The following ERC2 variants were observed in gnomAD, a reference collection of about 807,000 sequenced individuals.
ERC2 encodes the protein ERC protein 2.
In ERC2, 42 loss-of-function variants were observed where a neutral mutation model predicts 114.8. The ratio of observed to expected loss-of-function variants is 0.37; its 90% CI spans 0.29 to 0.47. The LOEUF (loss-of-function observed/expected upper bound fraction) is 0.47. ERC2 is among the 20% of genes least tolerant of loss of function. ERC2 has a pLI of 0.99. For synonymous variants in ERC2, 454 were observed against 425.5 expected (o/e 1.07, Z -0.82); for missense variants, 939 against 1,150.7 (o/e 0.82, Z 2.66).
chr3:56,302,289 C>A (rs1237380345), intron 2 of ERC2, among the ~76,000 whole-genome samples: 4 of 152,160 alleles, frequency 2.6e-5, no homozygotes, highest in Admixed American at 6.5e-5. Flanking sequence ...ACTTTGACAA[C>A]TGTACACTTT....
At chr3:56,028,841 T>C (rs1261594031) in intron 7 of ERC2, among the ~76,000 whole-genome samples, 1 of 152,094 alleles carries the variant, frequency 6.6e-6, no homozygotes, top group Non-Finnish European at 1.5e-5. Context: ...AGTACTATGC[T>C]GTATACCAAT....
intron 17 of ERC2, among the ~76,000 whole-genome samples, chr3:55,623,756 G>A (rs756278641): frequency 2.0e-5 from 3 of 152,178 alleles, no homozygotes; most frequent in Non-Finnish European, 2.9e-5. Flanking sequence ...ATAGAGGAAC[G>A]ACACAGCAGT....
At chr3:55,885,169 G>A (rs568366024) in intron 14 of ERC2, among the ~76,000 whole-genome samples, 52 of 152,302 alleles carry the variant, frequency 3.4e-4, no homozygotes, top group Admixed American at 4.6e-4. Context: ...ATGGGTGCTG[G>A]TTGAATGAAA....
intron 14 of ERC2, among the ~76,000 whole-genome samples, chr3:55,741,048 A>C (rs904441205): frequency 6.6e-6 from 1 of 152,176 alleles, no homozygotes; most frequent in Non-Finnish European, 1.5e-5. Context: ...TCAACCTGTA[A>C]TTTAAATCAC....
chr3:55,787,967 T>C (rs1000007197), intron 14 of ERC2, among the ~76,000 whole-genome samples: 3 of 152,214 alleles, frequency 2.0e-5, no homozygotes, highest in Non-Finnish European at 4.4e-5. Flanking sequence ...CATAGTATTA[T>C]TGACTAAGTA....
chr3:55,881,031 C>T lies in ERC2; in HGVS notation c.2564+7358G>A, dbSNP rs867824004. 7.9e-5 allele frequency among the ~76,000 whole-genome samples: 12 copies of T among 152,264 alleles called. No individual in the cohort carries two copies. The South Asian group carries it at 2.3e-3, about 29-fold the overall frequency. ...TTTATCAATTTTAAGTAACAATTGG[C>T]TTCAAAACTCTTCTCCCAAACTCCA... On this transcript the variant is annotated intron_variant, in intron 14 of 17. Transcript: ENST00000288221.
chr3:56,099,980 C>G (rs560139133), intron 6 of ERC2, among the ~76,000 whole-genome samples: 1 of 152,072 alleles, frequency 6.6e-6, no homozygotes, highest in South Asian at 2.1e-4. Context: ...TACGAGCACT[C>G]TTATTGGGGA....
chr3:56,178,906 T>C (rs2083130162), intron 3 of ERC2, among the ~76,000 whole-genome samples: 1 of 152,046 alleles, frequency 6.6e-6, no homozygotes, highest in African/African-American at 2.4e-5. Flanking sequence ...TCCAATAGGA[T>C]AGTCAGAGAA....
At chr3:56,093,395 G>A (rs2077895367) in intron 6 of ERC2, among the ~76,000 whole-genome samples, 1 of 152,080 alleles carries the variant, frequency 6.6e-6, no homozygotes, top group African/African-American at 2.4e-5. Flanking sequence ...AGAACTTCTT[G>A]TTTCTATGAT....
chr3:56,128,599 G>A (rs2080026337), intron 6 of ERC2, among the ~76,000 whole-genome samples: 1 of 152,154 alleles, frequency 6.6e-6, no homozygotes, highest in Non-Finnish European at 1.5e-5. Context: ...TTTTGAATTT[G>A]GATGAGAATG....
At chr3:55,703,096 C>A (rs141061923) in intron 15 of ERC2, among the ~76,000 whole-genome samples, 1 of 152,304 alleles carries the variant, frequency 6.6e-6, no homozygotes, top group African/African-American at 2.4e-5. Flanking sequence ...CACCTTATTT[C>A]TCTGGGGCCA....
rs1214092036 is a variant in ERC2, at chr3:55,579,492, A to G, written c.*40-68216T>C. ...TCCACATAATAACAGGTCATGTTAT[A>G]ATGAGGTTTTGCTGCACATGCTTGC... is the stretch of plus-strand genomic sequence containing the variant. On this transcript the variant is annotated intron_variant, in intron 17 of 17. Transcript: ENST00000288221. Among the ~76,000 whole-genome samples the G allele has an allele frequency of 2.0e-5, 3 of 152,212 alleles. 1 individual carries two copies. The highest frequency in any genetic ancestry group is 7.2e-5 in the African/African-American group (3 of 41,448).
intron 2 of ERC2, among the ~76,000 whole-genome samples, chr3:56,361,084 C>A (rs796321229): frequency 6.6e-6 from 1 of 152,044 alleles, no homozygotes; most frequent in African/African-American, 2.4e-5. Flanking sequence ...GAACTAGAAC[C>A]GGGCTGAAGA....
At chr3:55,857,062 G>C (rs1207822234) in intron 14 of ERC2, among the ~76,000 whole-genome samples, 2 of 151,954 alleles carry the variant, frequency 1.3e-5, no homozygotes, top group African/African-American at 4.8e-5. Flanking sequence ...TTTTTTTGGG[G>C]GTGGGGGTGG....
At chr3:56,265,338 G>A (rs529487890) in intron 3 of ERC2, among the ~76,000 whole-genome samples, 1 of 152,164 alleles carries the variant, frequency 6.6e-6, no homozygotes, top group South Asian at 2.1e-4. Flanking sequence ...AGGGCACCAA[G>A]AAGACACAAT....
In ERC2 at chr3:56,228,082, G is replaced by A. The variant is rs546808864; in HGVS notation, c.1075-54562C>T. Among the ~76,000 whole-genome samples, 23 of 152,252 alleles carry A rather than the reference G, an allele frequency of 1.5e-4. No homozygotes were observed. The South Asian group carries it at 3.7e-3, about 25-fold the overall frequency. On this transcript the variant is annotated intron_variant, in intron 3 of 17. Coordinates refer to ENST00000288221, the MANE Select transcript of ERC2 (RefSeq NM_015576.3). ...GGGCTGGCAGAAGAGTGATTACCTC[G>A]AGGAGACAATACTGATGGGGAGGGG...
chr3:55,742,404 A>G (rs2066022778), intron 14 of ERC2, among the ~76,000 whole-genome samples: 2 of 152,226 alleles, frequency 1.3e-5, no homozygotes, highest in Non-Finnish European at 2.9e-5. Flanking sequence ...ACTATTACAA[A>G]TTGGATTTGG....
At chr3:55,586,740 C>T (rs1455374403) in intron 17 of ERC2, among the ~76,000 whole-genome samples, 1 of 152,178 alleles carries the variant, frequency 6.6e-6, no homozygotes, top group African/African-American at 2.4e-5. Context: ...ATTATTCTTT[C>T]TCTGCATGAG....
intron 14 of ERC2, among the ~76,000 whole-genome samples, chr3:55,799,332 T>C (rs993570728): frequency 7.4e-5 from 11 of 149,372 alleles, no homozygotes. Context: ...TTCCTTCTTT[T>C]CCTTCGGTAT....
Sources: gnomAD v4.1 joint callset for allele counts (sites outside exome capture counted in the v4.1 genomes callset) on GRCh38, gnomAD v4.1.1 for gene constraint, MANE v1.5 for transcripts, NCBI Gene and HGNC (gene_info 2026-07-23, HGNC 2026-07-21) for gene names.